The following CELF2 variants were observed in gnomAD, a reference collection of about 807,000 sequenced individuals.
CELF2 encodes CUGBP Elav-like family member 2.
CELF2 carries 8 observed loss-of-function variants against 62.6 expected under a neutral mutation model. The observed-to-expected ratio is 0.13, with a 90% CI of 0.07 to 0.23. CELF2 has a LOEUF of 0.23. Among genes scored for constraint, CELF2 ranks in the 10% least tolerant of loss-of-function variants. The pLI is 1.00. For synonymous variants in CELF2, 258 were observed against 250.0 expected (o/e 1.03, Z -0.30); for missense variants, 333 against 671.0 (o/e 0.50, Z 5.56).
chr10:10,776,732 G>T, the CELF2 span: 1 of 154,310 alleles, frequency 6.5e-6, no homozygotes, highest in Middle Eastern at 2.4e-3. Context: ...AGCTCCCATC[G>T]CCTCATGCCC....
At chr10:11,216,922 A>G (rs2063511095) in intron 2 of CELF2, among the ~76,000 whole-genome samples, 1 of 152,252 alleles carries the variant, frequency 6.6e-6, no homozygotes, top group Non-Finnish European at 1.5e-5. Context: ...TACATCATGT[A>G]ATGTGGTGGA....
intron 2 of CELF2, among the ~76,000 whole-genome samples, chr10:11,184,380 A>G (rs1049565056): frequency 9.2e-5 from 14 of 152,202 alleles, no homozygotes; most frequent in African/African-American, 3.1e-4. Context: ...TGGCTAGTCT[A>G]GATTCTTTGT....
the CELF2 span, among the ~76,000 whole-genome samples, chr10:10,487,605 T>A: frequency 1.3e-5 from 2 of 152,194 alleles, no homozygotes; most frequent in Non-Finnish European, 2.9e-5. Context: ...GCTTTGACTC[T>A]TTCTTCACCT....
chr10:10,696,364 A>C, the CELF2 span, among the ~76,000 whole-genome samples: 2 of 151,714 alleles, frequency 1.3e-5, no homozygotes, highest in South Asian at 2.1e-4. Context: ...GCCCGTTCTC[A>C]GATCTCCAGC....
chr10:10,846,433 T>C (rs1390977867), intron 1 of CELF2, among the ~76,000 whole-genome samples: 1 of 152,198 alleles, frequency 6.6e-6, no homozygotes, highest in Non-Finnish European at 1.5e-5. Flanking sequence ...TCTTTTCATC[T>C]TGACAAATAT....
intron 2 of CELF2, among the ~76,000 whole-genome samples, chr10:11,167,435 A>T (rs1312922283): frequency 6.6e-6 from 1 of 152,234 alleles, no homozygotes; most frequent in Non-Finnish European, 1.5e-5. Flanking sequence ...CAGCATTTTT[A>T]AAAGTTACCT....
chr10:10,964,531 G>C (rs879042707), intron 2 of CELF2, among the ~76,000 whole-genome samples: 2 of 152,212 alleles, frequency 1.3e-5, no homozygotes, highest in Non-Finnish European at 2.9e-5. Flanking sequence ...CTATGGAATT[G>C]TAAGTGAGGC....
rs968348127 is a variant in CELF2, at chr10:10,958,684, A to T, written c.89+38685A>T. On this transcript the variant is annotated intron_variant, in intron 2 of 13. Coordinates refer to the CELF2 transcript ENST00000636488. ...CAGAACAAGACTCATCTCTAGAAAA[A>T]ATTTAAAAATTAGCCAGGCATTGTG... Among the ~76,000 whole-genome samples, 6 of 152,160 alleles carry T rather than the reference A, an allele frequency of 3.9e-5. No individual in the cohort carries two copies. The East Asian group carries it at 1.2e-3, about 30-fold the overall frequency.
At chr10:10,885,526 A>G (rs1280318079) in intron 1 of CELF2, among the ~76,000 whole-genome samples, 4 of 152,090 alleles carry the variant, frequency 2.6e-5, no homozygotes. Context: ...AAATACTTAC[A>G]TAAAGGAAGC....
chr10:11,182,598 A>T (rs951308100), intron 2 of CELF2, among the ~76,000 whole-genome samples: 1 of 152,186 alleles, frequency 6.6e-6, no homozygotes, highest in African/African-American at 2.4e-5. Flanking sequence ...GAAGAATTTG[A>T]GTCAAGGATA....
At chr10:10,748,394 C>T in the CELF2 span, among the ~76,000 whole-genome samples, 1 of 152,044 alleles carries the variant, frequency 6.6e-6, no homozygotes, top group Non-Finnish European at 1.5e-5. Flanking sequence ...TTTAAAAGTG[C>T]TAAGTGCAAA....
At chr10:11,139,883 C>T (rs1168690614) in intron 1 of CELF2, among the ~76,000 whole-genome samples, 1 of 151,484 alleles carries the variant, frequency 6.6e-6, no homozygotes, top group Non-Finnish European at 1.5e-5. Context: ...CAGGTCATCT[C>T]AACAAACCTC....
intron 2 of CELF2, among the ~76,000 whole-genome samples, chr10:10,942,176 A>C (rs916489457): frequency 1.3e-5 from 2 of 152,132 alleles, no homozygotes; most frequent in Non-Finnish European, 2.9e-5. Context: ...GGGTTAGCTT[A>C]GATGCAATAT....
At chr10:10,706,099 C>T in the CELF2 span, among the ~76,000 whole-genome samples, 1 of 152,314 alleles carries the variant, frequency 6.6e-6, no homozygotes, top group South Asian at 2.1e-4. Flanking sequence ...TCTCCCTTTC[C>T]TCCCTCCCTT....
At chr10:10,627,487 C>G in the CELF2 span, among the ~76,000 whole-genome samples, 1 of 152,198 alleles carries the variant, frequency 6.6e-6, no homozygotes, top group Non-Finnish European at 1.5e-5. Context: ...AGAGGGCTGA[C>G]GCAAAGCCCT....
the CELF2 span, among the ~76,000 whole-genome samples, chr10:10,784,917 C>T: frequency 1.1e-3 from 161 of 152,272 alleles, 2 homozygotes; most frequent in African/African-American, 3.8e-3. Context: ...CATGGCCTCA[C>T]CTCTACAACC....
intron 1 of CELF2, among the ~76,000 whole-genome samples, chr10:10,838,446 G>C (rs1311971410): frequency 2.6e-5 from 4 of 152,194 alleles, no homozygotes; most frequent in Non-Finnish European, 5.9e-5. Flanking sequence ...CACACTTAAG[G>C]AGTGGGGAAT....
chr10:11,095,054 G>A (rs1564714584), intron 1 of CELF2, among the ~76,000 whole-genome samples: 1 of 152,154 alleles, frequency 6.6e-6, no homozygotes, highest in Non-Finnish European at 1.5e-5. Flanking sequence ...TATCATTCCT[G>A]TCAATCATTC....
At chr10:10,499,353 C>T in the CELF2 span, among the ~76,000 whole-genome samples, 1 of 151,940 alleles carries the variant, frequency 6.6e-6, no homozygotes, top group Non-Finnish European at 1.5e-5. Context: ...GGCCACCATG[C>T]CCAGCCATTC....
Sources: gnomAD v4.1 joint callset for allele counts (sites outside exome capture counted in the v4.1 genomes callset) on GRCh38, gnomAD v4.1.1 for gene constraint, MANE v1.5 for transcripts, NCBI Gene and HGNC (gene_info 2026-07-23, HGNC 2026-07-21) for gene names.